ACVR1: variants seen among roughly 807,000 people sequenced by gnomAD.
The protein encoded by ACVR1 is activin receptor type-1.
A neutral mutation model predicts 57.1 loss-of-function variants in ACVR1; 38 were observed. That is an observed-to-expected ratio of 0.67 (90% CI 0.51 to 0.87). The LOEUF (loss-of-function observed/expected upper bound fraction) is 0.87. Ranked by LOEUF, ACVR1 falls within the 40% of genes least tolerant of loss-of-function variation. The pLI is 0.00. For synonymous variants in ACVR1, 212 were observed against 228.1 expected (o/e 0.93, Z 0.63); for missense variants, 463 against 638.2 (o/e 0.73, Z 2.96).
intron 1 of ACVR1, among the ~76,000 whole-genome samples, chr2:157,867,020 C>T (rs1173133513): frequency 6.6e-6 from 1 of 152,200 alleles, no homozygotes; most frequent in Non-Finnish European, 1.5e-5. Flanking sequence ...GTTCCATTTT[C>T]CCAGCTTCTC....
chr2:157,771,341 G>T (rs548539862), intron 6 of ACVR1, among the ~76,000 whole-genome samples: 11 of 152,264 alleles, frequency 7.2e-5, no homozygotes, highest in Admixed American at 2.0e-4. Flanking sequence ...AATCTGTTTG[G>T]TGCATGGCCC....
intron 1 of ACVR1, among the ~76,000 whole-genome samples, chr2:157,847,107 T>A (rs182586800): frequency 7.9e-5 from 12 of 152,318 alleles, no homozygotes; most frequent in African/African-American, 2.6e-4. Flanking sequence ...TAGAATGATG[T>A]TGCACAGGAG....
chr2:157,750,883 GAAATGGGTATCATTAAAAAAAA>G (rs1437348155), intron 9 of ACVR1, among the ~76,000 whole-genome samples: 1 of 151,694 alleles, frequency 6.6e-6, no homozygotes, highest in African/African-American at 2.4e-5. Context: ...GCAAATTAAA[GAAATGGGTATCATTAAAAAAAA>G]AAATCAAACA....
chr2:157,868,244 G>A (rs143825932), intron 1 of ACVR1, among the ~76,000 whole-genome samples: 4,868 of 152,100 alleles, frequency 0.032, 90 homozygotes, highest in African/African-American at 0.05. Context: ...CAGCACTCTG[G>A]GAGGCCGAGG....
At chr2:157,851,877 A>T (rs1689315032) in intron 1 of ACVR1, among the ~76,000 whole-genome samples, 1 of 3,414 alleles carries the variant, frequency 2.9e-4, no homozygotes, top group African/African-American at 3.7e-4. Flanking sequence ...ACACACACAC[A>T]CACACACACA....
chr2:157,827,983 TTCC>T (rs991653784), intron 1 of ACVR1, among the ~76,000 whole-genome samples: 1 of 152,172 alleles, frequency 6.6e-6, no homozygotes, highest in Non-Finnish European at 1.5e-5. Flanking sequence ...GTTACTAGGA[TTCC>T]TCAAGAATTA....
At chr2:157,864,568 T>G (rs1480078694) in intron 1 of ACVR1, among the ~76,000 whole-genome samples, 1 of 152,178 alleles carries the variant, frequency 6.6e-6, no homozygotes, top group Non-Finnish European at 1.5e-5. Context: ...TGGGTTTCAG[T>G]TTTTAAATAG....
Position 157,761,302 on chromosome 2 carries a change from A to G in ACVR1, c.1067-225T>C, listed in dbSNP as rs16842015. 0.018 allele frequency among the ~76,000 whole-genome samples: 2,680 copies of G among 152,302 alleles called. 66 individuals are homozygous for G. The highest frequency in any genetic ancestry group is 0.059 in the African/African-American group (2,440 of 41,554). On this transcript the variant is annotated intron_variant, in intron 8 of 10. Coordinates refer to ENST00000434821, the MANE Select transcript of ACVR1 (RefSeq NM_001111067.4). ...CATTCTAAGGCTATCAGGTTAATAT[A>G]TGAACCTCAAAGAGACAAAAAGTTT... is the stretch of plus-strand genomic sequence containing the variant.
At chr2:157,805,395 C>T (rs971394088) in intron 2 of ACVR1, among the ~76,000 whole-genome samples, 2 of 152,198 alleles carry the variant, frequency 1.3e-5, no homozygotes. Context: ...CAATCACCCA[C>T]CCCTATTTTG....
chr2:157,867,910 T>C (rs1053200199), intron 1 of ACVR1, among the ~76,000 whole-genome samples: 1 of 151,958 alleles, frequency 6.6e-6, no homozygotes, highest in Non-Finnish European at 1.5e-5. Flanking sequence ...CTTCATGGAG[T>C]GTGAGTGAGC....
intron 1 of ACVR1, among the ~76,000 whole-genome samples, chr2:157,853,812 T>C (rs1558846864): frequency 6.6e-6 from 1 of 152,222 alleles, no homozygotes; most frequent in African/African-American, 2.4e-5. Flanking sequence ...TACTATGCTC[T>C]TCTTATGCCT....
intron 3 of ACVR1, among the ~76,000 whole-genome samples, chr2:157,782,467 C>T (rs574401079): frequency 1.8e-4 from 27 of 152,334 alleles, no homozygotes; most frequent in Middle Eastern, 6.8e-3. Flanking sequence ...CTTTATGTTC[C>T]TTGCCTGGAG....
intron 2 of ACVR1, among the ~76,000 whole-genome samples, chr2:157,801,362 C>T (rs755837051): frequency 6.6e-6 from 1 of 152,126 alleles, no homozygotes; most frequent in African/African-American, 2.4e-5. Flanking sequence ...GTGAAATGAG[C>T]CTTCCCAAAT....
At position 157,824,641 on chromosome 2, in the gene ACVR1, C is replaced by T. The variant is rs148701416; in HGVS notation, c.-182-6082G>A. The stretch of plus-strand genomic sequence containing the variant: ...GGCTACAGACTAAAATAGAATACCC[C>T]CTTAAGTCAACTTCTCACCAGATAT... On this transcript the variant is annotated intron_variant, in intron 1 of 10. Transcript: ENST00000434821. 3.7e-3 allele frequency among the ~76,000 whole-genome samples: 566 copies of T among 152,246 alleles called. 1 individual carries two copies. Among genetic ancestry groups the T allele is most frequent in the Non-Finnish European group, 4.4e-3 (296 of 68,018 alleles).
intron 3 of ACVR1, among the ~76,000 whole-genome samples, chr2:157,787,331 C>T (rs1686750064): frequency 6.6e-6 from 1 of 152,082 alleles, no homozygotes; most frequent in South Asian, 2.1e-4. Flanking sequence ...AAAATAATGA[C>T]CCCTTTCTTC....
chr2:157,772,822 G>A (rs1182855025), intron 6 of ACVR1, among the ~76,000 whole-genome samples: 1 of 152,204 alleles, frequency 6.6e-6, no homozygotes, highest in Admixed American at 6.5e-5. Flanking sequence ...TGCCGTGGAG[G>A]AGAAGCGAGA....
intron 1 of ACVR1, chr2:157,875,186 C>G (rs1690243282): frequency 6.6e-6 from 1 of 152,170 alleles, no homozygotes; most frequent in East Asian, 1.9e-4. Context: ...TGGCAAAGTA[C>G]CGTGCAACAT....
intron 9 of ACVR1, among the ~76,000 whole-genome samples, chr2:157,752,346 A>G (rs1052947725): frequency 5.9e-5 from 9 of 152,192 alleles, no homozygotes; most frequent in Admixed American, 5.2e-4. Flanking sequence ...GACATAGCCT[A>G]TCCAAATGAG....
At position 157,774,221 on chromosome 2, in the gene ACVR1, T is replaced by C. The variant is rs746763424; in HGVS notation, c.544-34A>G. On this transcript the variant is annotated intron_variant, in intron 5 of 10. Coordinates refer to ENST00000434821, the MANE Select transcript of ACVR1 (RefSeq NM_001111067.4). ...TAAGACAAGGGGGAAAAGAAACGAT[T>C]GAGCAATATAGCTCCCACTTTGGAG... 6 of 1,555,060 alleles carry C rather than the reference T, an allele frequency of 3.9e-6. No homozygotes were observed. The South Asian group carries it at 6.7e-5, about 17-fold the overall frequency.
Sources: allele counts gnomAD v4.1 joint callset (sites outside exome capture counted in the v4.1 genomes callset), GRCh38; gene constraint gnomAD v4.1.1; transcripts MANE v1.5; gene names NCBI Gene and HGNC (gene_info 2026-07-23, HGNC 2026-07-21).